NEK6: variants seen among roughly 807,000 people sequenced by gnomAD.
NEK6 encodes NIMA related kinase 6.
Under a neutral mutation model 43.5 loss-of-function variants are expected in NEK6, and 27 were observed. That is an observed-to-expected ratio of 0.62 (90% confidence interval 0.46 to 0.86). The LOEUF (loss-of-function observed/expected upper bound fraction) is 0.86, where lower values mean the gene tolerates loss of function less well. Among genes scored for constraint, NEK6 ranks in the 40% least tolerant of loss-of-function variants. The probability of loss-of-function intolerance (pLI) is 0.00; values close to 1 mark genes in which losing one functional copy is unlikely to be tolerated. For synonymous variants in NEK6, 167 were observed against 164.1 expected (o/e 1.02, Z -0.14); for missense variants, 318 against 414.4 (o/e 0.77, Z 2.02).
intron 1 of NEK6, among the ~76,000 whole-genome samples, chr9:124,296,681 C>T (rs892782857): frequency 6.6e-6 from 1 of 152,224 alleles, no homozygotes; most frequent in Non-Finnish European, 1.5e-5. Flanking sequence ...CCCTTGCAAG[C>T]TCATGCCCCC....
chr9:124,334,857 C>T (rs138910699), intron 7 of NEK6, among the ~76,000 whole-genome samples: 6 of 152,324 alleles, frequency 3.9e-5, no homozygotes, highest in Non-Finnish European at 7.4e-5. Flanking sequence ...GGCCACACCC[C>T]GGCCCCAGTG....
Position 124,351,958 on chromosome 9 carries a change from A to C in NEK6, c.*1011A>C, listed in dbSNP as rs1291527076. The stretch of plus-strand genomic sequence containing the variant: ...ACTCACCCTTCACAAACTGAAGTCC[A>C]TGGACCACGGAAGTCGAGAATTAAT... On this transcript the variant is annotated 3_prime_UTR_variant, in exon 10 of 10. Coordinates refer to ENST00000320246, the MANE Select transcript of NEK6 (RefSeq NM_014397.6). 6.5e-6 allele frequency: 1 copy of C among 152,690 alleles called. No individual in the cohort carries two copies. Among genetic ancestry groups the C allele is most frequent in the African/African-American group, 2.4e-5 (1 of 41,462 alleles). The allele number at this position is 152,690 out of a possible 1,614,324, so 9.5% of individuals were successfully genotyped here.
At chr9:124,349,118 T>G (rs1830118153) in intron 9 of NEK6, among the ~76,000 whole-genome samples, 1 of 152,206 alleles carries the variant, frequency 6.6e-6, no homozygotes, top group South Asian at 2.1e-4. Context: ...TTGCTGGCGT[T>G]GCAGACTCCA....
At chr9:124,301,301 A>G (rs914775215) in intron 1 of NEK6, among the ~76,000 whole-genome samples, 1 of 152,146 alleles carries the variant, frequency 6.6e-6, no homozygotes, top group African/African-American at 2.4e-5. Context: ...ACCTATGACC[A>G]GCATCTCTGA....
At chr9:124,303,649 C>T (rs1203161088) in intron 2 of NEK6, among the ~76,000 whole-genome samples, 3 of 152,152 alleles carry the variant, frequency 2.0e-5, no homozygotes, top group Admixed American at 6.5e-5. Flanking sequence ...CATGGGGCAT[C>T]TATGCTATTT....
Position 124,343,558 on chromosome 9 carries a change from G to C in NEK6, c.717+3893G>C, listed in dbSNP as rs1282841439. 6.6e-6 allele frequency among the ~76,000 whole-genome samples: 1 copy of C among 152,166 alleles called. No individual in the cohort carries two copies. Among genetic ancestry groups the C allele is most frequent in the African/African-American group, 2.4e-5 (1 of 41,426 alleles). ...CTCCCCACTCCTGCAGTCCCTAAAGGGGAAGGTGAAGCAGGCGTTTCCCCA... is the reference window on the plus strand; with the variant it reads ...CTCCCCACTCCTGCAGTCCCTAAAGCGGAAGGTGAAGCAGGCGTTTCCCCA... On this transcript the variant is annotated intron_variant, in intron 8 of 9. Transcript: ENST00000320246. The surrounding 1 kb of genome is among the most constrained non-coding windows in gnomAD (Gnocchi z 5.1).
At chr9:124,335,467 G>A (rs1378038455) in intron 7 of NEK6, among the ~76,000 whole-genome samples, 1 of 152,186 alleles carries the variant, frequency 6.6e-6, no homozygotes, top group African/African-American at 2.4e-5. Context: ...GCGCTTGTTT[G>A]GGGATTATTG....
chr9:124,341,052 G>A (rs1829587589), intron 8 of NEK6, among the ~76,000 whole-genome samples: 1 of 152,058 alleles, frequency 6.6e-6, no homozygotes, highest in South Asian at 2.1e-4. Flanking sequence ...TCTTTCTTTT[G>A]TTTTTTTGAG....
At chr9:124,306,553 G>A (rs759523249) in intron 2 of NEK6, among the ~76,000 whole-genome samples, 7 of 152,102 alleles carry the variant, frequency 4.6e-5, no homozygotes, top group Non-Finnish European at 8.8e-5. Context: ...CAGAGGAGTT[G>A]CTTACTCAAT....
chr9:124,296,864 A>G (rs1330338443), intron 1 of NEK6, among the ~76,000 whole-genome samples: 3 of 152,214 alleles, frequency 2.0e-5, no homozygotes, highest in African/African-American at 7.2e-5. Context: ...CAAGGGCCCA[A>G]TGACAGCCTT....
intron 9 of NEK6, 63 bp from the exon 10 acceptor site, chr9:124,350,774 T>G: frequency 8.8e-7 from 1 of 1,132,712 alleles, no homozygotes; most frequent in Non-Finnish European, 1.3e-6. Context: ...AGACAGACTG[T>G]GGAGTGCGGA....
intron 7 of NEK6, among the ~76,000 whole-genome samples, chr9:124,334,313 G>A (rs974755002): frequency 6.6e-6 from 1 of 152,346 alleles, no homozygotes; most frequent in African/African-American, 2.4e-5. Flanking sequence ...GACAATTATG[G>A]ATGGTTGGAC....
intron 7 of NEK6, among the ~76,000 whole-genome samples, chr9:124,331,318 CTTA>C (rs1412314272): frequency 6.7e-6 from 1 of 150,062 alleles, no homozygotes; most frequent in Non-Finnish European, 1.5e-5. Context: ...CATCACAAGG[CTTA>C]TTATTATCCC....
Position 124,327,435 on chromosome 9 carries a change from C to A in NEK6, c.612C>A (p.Ala204=). 1 of 1,612,576 alleles carries A rather than the reference C, an allele frequency of 6.2e-7. No homozygotes were observed. The change falls in exon 7 of 10, where the codon GCC becomes GCA. Residue 204 remains alanine, a synonymous_variant. Transcript: ENST00000320246. ...TCTTCAGCTCTGAGACCACCGCAGC[C>A]CACTCCCTAGGTAAGGGGGACCTGT... The part of the protein sequence containing the change: ...GRFFSSETTA[A]HSLVGTPYYM...
chr9:124,283,389 G>C (rs533108060), intron 1 of NEK6, among the ~76,000 whole-genome samples: 1 of 152,364 alleles, frequency 6.6e-6, no homozygotes, highest in East Asian at 1.9e-4. Flanking sequence ...GACACAGTTA[G>C]CTGAGACGAC....
chr9:124,273,719 A>G (rs115742961), intron 1 of NEK6, among the ~76,000 whole-genome samples: 2 of 152,314 alleles, frequency 1.3e-5, no homozygotes, highest in Admixed American at 6.5e-5. Context: ...GGAGTTGAGG[A>G]GGCTAAAGAC....
intron 2 of NEK6, among the ~76,000 whole-genome samples, chr9:124,306,636 G>A (rs760174774): frequency 1.1e-4 from 16 of 152,180 alleles, no homozygotes; most frequent in African/African-American, 1.4e-4. Context: ...GTTGGGATTG[G>A]GTCCAGGCCC....
Position 124,257,972 on chromosome 9 carries a change from G to A in NEK6, c.-143G>A, listed in dbSNP as rs949496008. The A allele has an allele frequency of 2.6e-5, 25 of 978,874 alleles. No individual in the cohort carries two copies. The African/African-American group carries it at 4.4e-4, about 17-fold the overall frequency. The allele number at this position is 978,874 out of a possible 1,614,324, so 60.6% of individuals were successfully genotyped here. A position where few individuals can be genotyped will look rare whatever the true frequency, so the allele number is the denominator to read the frequency against. The stretch of plus-strand genomic sequence containing the variant: ...AGGCGGTGGCGGCGGCGGCGGAACC[G>A]AGCTGACGGGCGTGCGGCCGCTGCG... On this transcript the variant is annotated 5_prime_UTR_variant, in exon 1 of 10. Transcript: ENST00000320246.
At chr9:124,346,540 G>A (rs1829935101) in intron 8 of NEK6, among the ~76,000 whole-genome samples, 1 of 152,152 alleles carries the variant, frequency 6.6e-6, no homozygotes, top group Non-Finnish European at 1.5e-5. Flanking sequence ...ACAGCAGGAG[G>A]GCACTCGCCC....
Sources: allele counts gnomAD v4.1 joint callset (sites outside exome capture counted in the v4.1 genomes callset), GRCh38; gene constraint gnomAD v4.1.1; non-coding constraint Gnocchi (gnomAD v3.1); transcripts MANE v1.5; gene names NCBI Gene and HGNC (gene_info 2026-07-23, HGNC 2026-07-21).